LNX1: variants seen among roughly 807,000 people sequenced by gnomAD.
The protein encoded by LNX1 is ligand of numb-protein X 1.
LNX1 carries 54 observed loss-of-function variants against 68.4 expected under a neutral mutation model. That is an observed-to-expected ratio of 0.79 (90% CI 0.63 to 0.99). The LOEUF (loss-of-function observed/expected upper bound fraction) is 0.99. Ranked by LOEUF, LNX1 falls within the 50% of genes least tolerant of loss-of-function variation. LNX1 has a pLI of 0.00. For missense variants in LNX1, 906 were observed against 926.4 expected (o/e 0.98, Z 0.29); for synonymous variants, 336 against 350.0 (o/e 0.96, Z 0.45).
intron 2 of LNX1, among the ~76,000 whole-genome samples, chr4:53,530,202 GTTAAGA>G (rs1477509462): frequency 2.6e-5 from 4 of 152,084 alleles, no homozygotes; most frequent in Non-Finnish European, 5.9e-5. Context: ...CCAAACATTC[GTTAAGA>G]TTATTTTTAA....
At chr4:53,613,814 G>T (rs550003443) in intron 2 of LNX1, among the ~76,000 whole-genome samples, 1 of 152,158 alleles carries the variant, frequency 6.6e-6, no homozygotes, top group Admixed American at 6.5e-5. Flanking sequence ...ATTCCTTTGG[G>T]TATATACCCA....
chr4:53,469,513 A>C (rs962801282), intron 9 of LNX1, among the ~76,000 whole-genome samples: 33 of 152,236 alleles, frequency 2.2e-4, no homozygotes, highest in Non-Finnish European at 4.8e-4. Flanking sequence ...AAGAAAATAG[A>C]GACACAAAAA....
chr4:53,490,565 T>C (rs930548215), intron 6 of LNX1, among the ~76,000 whole-genome samples: 1 of 152,156 alleles, frequency 6.6e-6, no homozygotes, highest in African/African-American at 2.4e-5. Context: ...GCTGGTCAAA[T>C]ATAAAATGGT....
At chr4:53,568,580 C>CGGGCACAAGACGG (rs1553939201) in intron 2 of LNX1, among the ~76,000 whole-genome samples, 1 of 147,082 alleles carries the variant, frequency 6.8e-6, no homozygotes, top group Non-Finnish European at 1.5e-5. Context: ...CCTTTGAAAA[C>CGGGCACAAGACGG]GGGCACAAGA....
intron 1 of LNX1, among the ~76,000 whole-genome samples, chr4:53,650,677 G>C (rs937123312): frequency 7.2e-5 from 11 of 152,050 alleles, no homozygotes; most frequent in African/African-American, 2.7e-4. Flanking sequence ...CCTACATATA[G>C]GGCCTCTGCT....
At chr4:53,507,595 A>G (rs1725989343) in intron 3 of LNX1, 126 bp from the exon 4 acceptor site, 1 of 1,096,474 alleles carries the variant, frequency 9.1e-7, no homozygotes, top group Non-Finnish European at 1.3e-6. Flanking sequence ...AGGATTGTAG[A>G]ATTTGCTTAC....
intron 1 of LNX1, among the ~76,000 whole-genome samples, chr4:53,629,551 G>A (rs2109870119): frequency 6.6e-6 from 1 of 152,344 alleles, no homozygotes; most frequent in African/African-American, 2.4e-5. Flanking sequence ...TGGCTTGTCT[G>A]CACCACAAAC....
At position 53,563,247 on chromosome 4, in the gene LNX1, A is replaced by G. The variant is rs150534510; in HGVS notation, c.380+10376T>C. Among the ~76,000 whole-genome samples the G allele has an allele frequency of 7.4e-3, 1,120 of 152,336 alleles. 10 individuals carry two copies. Among genetic ancestry groups the G allele is most frequent in the African/African-American group, 0.026 (1,077 of 41,578 alleles). On this transcript the variant is annotated intron_variant, in intron 2 of 10. Coordinates refer to ENST00000263925, the MANE Select transcript of LNX1 (RefSeq NM_001126328.3). ...TTAAAACAATTTTATTTAGATGCATATTTATTGAGTAAAGTGATGTTAAAG... is the reference window on the plus strand; with the variant it reads ...TTAAAACAATTTTATTTAGATGCATGTTTATTGAGTAAAGTGATGTTAAAG...
chr4:53,573,550 A>C (rs1731294345), intron 2 of LNX1, 73 bp downstream of exon 2: 2 of 980,252 alleles, frequency 2.0e-6, no homozygotes, highest in Non-Finnish European at 3.1e-6. Context: ...AGCCCTCAGG[A>C]GACTGGGGGG....
upstream of LNX1, among the ~76,000 whole-genome samples, chr4:53,592,422 A>T (rs576032604): frequency 2.2e-4 from 33 of 152,236 alleles, no homozygotes; most frequent in African/African-American, 6.0e-4. Flanking sequence ...GTATCCCAGG[A>T]CTGTTAAACT....
chr4:53,547,839 T>C (rs778128061), intron 2 of LNX1, among the ~76,000 whole-genome samples: 3 of 152,068 alleles, frequency 2.0e-5, no homozygotes, highest in African/African-American at 7.2e-5. Context: ...AGAGCTCCCA[T>C]GGAGGGGGAT....
chr4:53,576,975 G>A (rs1351476464), intron 1 of LNX1, among the ~76,000 whole-genome samples: 2 of 152,200 alleles, frequency 1.3e-5, no homozygotes, highest in Non-Finnish European at 2.9e-5. Flanking sequence ...AGAGGTTGCT[G>A]GCAAATGCCC....
intron 9 of LNX1, among the ~76,000 whole-genome samples, chr4:53,467,734 G>C (rs28770180): frequency 0.13 from 19,827 of 152,122 alleles, 2,574 homozygotes; most frequent in African/African-American, 0.32. Flanking sequence ...TGGAAGAAAG[G>C]GTATCAGCGA....
At chr4:53,647,454 C>T (rs976705028) in intron 1 of LNX1, among the ~76,000 whole-genome samples, 6 of 152,072 alleles carry the variant, frequency 3.9e-5, no homozygotes, top group African/African-American at 1.4e-4. Context: ...AATGTCTCAG[C>T]CAATGATGGA....
At chr4:53,513,744 T>C (rs1726538069) in intron 2 of LNX1, among the ~76,000 whole-genome samples, 1 of 152,236 alleles carries the variant, frequency 6.6e-6, no homozygotes, top group African/African-American at 2.4e-5. Context: ...AGTGCCTGGA[T>C]TATCCCAACA....
At chr4:53,517,333 A>G (rs1398589362) in intron 2 of LNX1, among the ~76,000 whole-genome samples, 1 of 152,198 alleles carries the variant, frequency 6.6e-6, no homozygotes, top group Non-Finnish European at 1.5e-5. Flanking sequence ...TCCTTTAGTG[A>G]AAAGCACTAG....
At chr4:53,496,443 C>T (rs1239310360) in intron 5 of LNX1, 49 bp from the exon 6 acceptor site, 3 of 1,545,130 alleles carry the variant, frequency 1.9e-6, no homozygotes, top group South Asian at 1.3e-5. Context: ...TGCCACAACC[C>T]TTCCTGAAAG....
At chr4:53,513,145 C>CA (rs1253482843) in intron 2 of LNX1, among the ~76,000 whole-genome samples, 2 of 152,022 alleles carry the variant, frequency 1.3e-5, no homozygotes, top group Admixed American at 1.3e-4. Context: ...GAAATGTTCC[C>CA]ATCGCTTCCA....
intron 1 of LNX1, among the ~76,000 whole-genome samples, chr4:53,633,176 G>C (rs1479718594): frequency 6.6e-6 from 1 of 152,164 alleles, no homozygotes; most frequent in Admixed American, 6.5e-5. Flanking sequence ...CCCTTGCAAG[G>C]ATATTGTGAT....
Sources: allele counts gnomAD v4.1 joint callset (sites outside exome capture counted in the v4.1 genomes callset), GRCh38; gene constraint gnomAD v4.1.1; transcripts MANE v1.5; gene names NCBI Gene and HGNC (gene_info 2026-07-23, HGNC 2026-07-21).